LOC128125817: variants seen among roughly 807,000 people sequenced by gnomAD.
At chr1:41,601,620 G>T in the LOC128125817 span, among the ~76,000 whole-genome samples, 1 of 152,068 alleles carries the variant, frequency 6.6e-6, no homozygotes, top group Non-Finnish European at 1.5e-5. Context: ...TACTAAATTT[G>T]TTAATTAGTT....
At chr1:41,587,939 A>T in the LOC128125817 span, among the ~76,000 whole-genome samples, 2 of 152,228 alleles carry the variant, frequency 1.3e-5, no homozygotes, top group East Asian at 1.9e-4. Context: ...GGCAAGAGGG[A>T]GTAAGGAATT....
At chr1:41,589,143 A>T in the LOC128125817 span, among the ~76,000 whole-genome samples, 1 of 152,088 alleles carries the variant, frequency 6.6e-6, no homozygotes, top group African/African-American at 2.4e-5. Context: ...CCACTTTTCC[A>T]GGGAATTGGT....
the LOC128125817 span, among the ~76,000 whole-genome samples, chr1:41,589,526 A>G: frequency 7.2e-5 from 11 of 152,232 alleles, no homozygotes; most frequent in Non-Finnish European, 1.6e-4. Flanking sequence ...CACCTTCTGT[A>G]TCGAAGGCGT....
the LOC128125817 span, among the ~76,000 whole-genome samples, chr1:41,618,966 C>T: frequency 6.6e-6 from 1 of 152,256 alleles, no homozygotes; most frequent in Admixed American, 6.5e-5. Flanking sequence ...CTATCACCTC[C>T]TGATCTGTCA....
At chr1:41,619,281 G>C in the LOC128125817 span, among the ~76,000 whole-genome samples, 2 of 152,300 alleles carry the variant, frequency 1.3e-5, no homozygotes, top group South Asian at 4.1e-4. Flanking sequence ...CGTCCTGACT[G>C]CCTGATTTCA....
chr1:41,595,581 G>A, the LOC128125817 span, among the ~76,000 whole-genome samples: 1 of 152,164 alleles, frequency 6.6e-6, no homozygotes, highest in Non-Finnish European at 1.5e-5. Context: ...GACTCTAGGT[G>A]GGAGGCTTGT....
the LOC128125817 span, among the ~76,000 whole-genome samples, chr1:41,624,447 G>C: frequency 6.6e-6 from 1 of 152,200 alleles, no homozygotes; most frequent in Admixed American, 6.5e-5. Context: ...GGTTTAATTT[G>C]GTTTGTGCAG....
the LOC128125817 span, among the ~76,000 whole-genome samples, chr1:41,622,667 T>C: frequency 2.0e-5 from 3 of 152,186 alleles, no homozygotes; most frequent in South Asian, 2.1e-4. Context: ...ATTCCTGCCA[T>C]AGACGCTGGA....
At chr1:41,603,946 C>T in the LOC128125817 span, among the ~76,000 whole-genome samples, 62 of 152,256 alleles carry the variant, frequency 4.1e-4, no homozygotes, top group African/African-American at 1.5e-3. Flanking sequence ...AAACAATGCT[C>T]AATACAATTT....
the LOC128125817 span, among the ~76,000 whole-genome samples, chr1:41,625,257 G>A: frequency 6.7e-6 from 1 of 150,256 alleles, no homozygotes; most frequent in South Asian, 2.1e-4. Context: ...ATTAGATATT[G>A]CAGCTGATAA....
the LOC128125817 span, among the ~76,000 whole-genome samples, chr1:41,605,198 A>C: frequency 6.9e-6 from 1 of 145,842 alleles, no homozygotes; most frequent in Non-Finnish European, 1.5e-5. Context: ...AAGGGAAGGG[A>C]AGGGAGGAAA....
chr1:41,585,752 G>A, the LOC128125817 span, among the ~76,000 whole-genome samples: 5 of 152,148 alleles, frequency 3.3e-5, no homozygotes, highest in African/African-American at 9.7e-5. Flanking sequence ...ACTGTGCCTC[G>A]GAGCTGCAGT....
At chr1:41,606,772 C>T in the LOC128125817 span, among the ~76,000 whole-genome samples, 4 of 151,692 alleles carry the variant, frequency 2.6e-5, no homozygotes, top group Non-Finnish European at 5.9e-5. Context: ...TTAGTTTATC[C>T]TCCAGAATTG....
the LOC128125817 span, among the ~76,000 whole-genome samples, chr1:41,587,671 C>T: frequency 6.6e-6 from 1 of 152,210 alleles, no homozygotes; most frequent in South Asian, 2.1e-4. Context: ...TTCTTAGAGA[C>T]TGACTGTCTA....
chr1:41,598,433 G>A, the LOC128125817 span, among the ~76,000 whole-genome samples: 1 of 152,186 alleles, frequency 6.6e-6, no homozygotes, highest in African/African-American at 2.4e-5. Flanking sequence ...ACTATAAGAT[G>A]AACCACAGAA....
chr1:41,626,068 G>C, the LOC128125817 span, among the ~76,000 whole-genome samples: 1 of 152,212 alleles, frequency 6.6e-6, no homozygotes, highest in East Asian at 1.9e-4. Flanking sequence ...TTATTCTGGA[G>C]AAAGCCCCAC....
chr1:41,622,251 A>G, the LOC128125817 span, among the ~76,000 whole-genome samples: 2 of 152,228 alleles, frequency 1.3e-5, no homozygotes, highest in South Asian at 2.1e-4. Context: ...AGAAATAAAG[A>G]CAGGGTACCA....
chr1:41,618,097 T>G, the LOC128125817 span, among the ~76,000 whole-genome samples: 1 of 152,200 alleles, frequency 6.6e-6, no homozygotes, highest in Non-Finnish European at 1.5e-5. Context: ...AGAGGAAACT[T>G]ACCCAGGCTG....
the LOC128125817 span, among the ~76,000 whole-genome samples, chr1:41,588,296 C>A: frequency 6.6e-6 from 1 of 152,186 alleles, no homozygotes; most frequent in Non-Finnish European, 1.5e-5. Context: ...GATCTGAGAG[C>A]AGCCCCAAAA....
Sources: allele counts gnomAD v4.1 joint callset (sites outside exome capture counted in the v4.1 genomes callset), GRCh38; gene constraint gnomAD v4.1.1; transcripts MANE v1.5.